Variants in BTD observed in about 807,000 individuals in gnomAD.
BTD encodes the protein biocytinase.
Under a neutral mutation model 17.7 loss-of-function variants are expected in BTD, and 13 were observed. That is an observed-to-expected ratio of 0.74 (90% CI 0.48 to 1.17). The LOEUF (loss-of-function observed/expected upper bound fraction) is 1.17, where lower values mean the gene tolerates loss of function less well. Among genes scored for constraint, BTD ranks in the 50% most tolerant of loss-of-function variants. BTD has a pLI of 0.00. For missense variants in BTD, 674 were observed against 650.4 expected, an observed-to-expected ratio of 1.04 and a Z score of -0.39; for synonymous variants, 240 against 245.2, an observed-to-expected ratio of 0.98 and a Z score of 0.20.
At chr3:15,694,128 A>G (rs2069189662) in intron 3 of BTD, among the ~76,000 whole-genome samples, 1 of 152,152 alleles carries the variant, frequency 6.6e-6, no homozygotes, top group South Asian at 2.1e-4. Context: ...ATTAGGATCT[A>G]CTTGAAATTT....
In BTD at chr3:15,648,323, CAA is replaced by C. The variant is rs571769813; in HGVS notation, c.*2836_*2837del. ...TGTGCACAAAGGCCTAGATTTGAGA[CAA>C]GAGCTGATGTGGCCTGAAGATCTGT... is the stretch of plus-strand genomic sequence containing the variant. On this transcript the variant is annotated 3_prime_UTR_variant, in exon 4 of 4. Transcript: ENST00000643237. Among the ~76,000 whole-genome samples, 33 of 152,196 alleles carry C rather than the reference CAA, an allele frequency of 2.2e-4. No homozygotes were observed. Among genetic ancestry groups the C allele is most frequent in the Non-Finnish European group, 3.4e-4 (23 of 68,032 alleles).
At chr3:15,697,550 C>T (rs1017558853) in intron 3 of BTD, among the ~76,000 whole-genome samples, 8 of 151,516 alleles carry the variant, frequency 5.3e-5, no homozygotes, top group African/African-American at 1.5e-4. Flanking sequence ...TGATGGATTA[C>T]GTGTATTGAT....
At chr3:15,616,440 AC>A (rs766720598) in intron 1 of BTD, among the ~76,000 whole-genome samples, 53 of 151,960 alleles carry the variant, frequency 3.5e-4, no homozygotes, top group Non-Finnish European at 6.9e-4. Context: ...AAATAGAGAA[AC>A]CCTGTCTCTA....
At chr3:15,695,137 G>A (rs1332713261) in intron 3 of BTD, 5 of 1,413,866 alleles carry the variant, frequency 3.5e-6, no homozygotes, top group Non-Finnish European at 5.0e-6. Flanking sequence ...ATAACTGGTA[G>A]GAGGGAACTG....
At chr3:15,713,655 C>A, downstream of BTD, 1 of 1,555,950 alleles carries the variant, frequency 6.4e-7, no homozygotes. Context: ...CAATATAGGA[C>A]TTACTGTCAG....
chr3:15,658,395 C>G (rs75341027), downstream of BTD, among the ~76,000 whole-genome samples: 43 of 152,314 alleles, frequency 2.8e-4, no homozygotes, highest in Admixed American at 7.2e-4. Context: ...AATTGAGTGA[C>G]GCCATGCTGC....
At chr3:15,631,277 A>C in intron 1 of BTD, 1 of 634,296 alleles carries the variant, frequency 1.6e-6, no homozygotes, top group Admixed American at 3.1e-5. Context: ...TCCTAATCAT[A>C]GGATTGCTAT....
intron 4 of BTD, among the ~76,000 whole-genome samples, chr3:15,720,439 A>G (rs757007392): frequency 6.6e-6 from 1 of 152,220 alleles, no homozygotes; most frequent in Middle Eastern, 3.2e-3. Context: ...CAGACATCAT[A>G]CATGTCACCT....
intron 1 of BTD, among the ~76,000 whole-genome samples, chr3:15,613,763 A>G (rs1370521848): frequency 2.0e-5 from 3 of 152,020 alleles, no homozygotes; most frequent in African/African-American, 7.2e-5. Context: ...TTTTTGAGTG[A>G]GTTTTTCCTC....
rs1364790667 is a variant in BTD, at chr3:15,647,408, A to T, written c.*1920A>T. ...GGCAGAACTACTTCACCCAGTAAAC[A>T]TCTAATCAGCACCTGCAGGATCCTC... On this transcript the variant is annotated 3_prime_UTR_variant, in exon 4 of 4. Transcript: ENST00000643237. 6.6e-6 allele frequency: 1 copy of T among 152,246 alleles called. No individual in the cohort carries two copies. Among genetic ancestry groups the T allele is most frequent in the Admixed American group, 6.5e-5 (1 of 15,290 alleles). 9.4% of individuals were successfully genotyped at this position (152,246 alleles called of 1,614,324 possible). A position where few individuals can be genotyped will look rare whatever the true frequency, so the allele number is the denominator to read the frequency against.
At chr3:15,644,232 C>T in intron 3 of BTD, 84 bp from the exon 4 acceptor site, 1 of 1,402,940 alleles carries the variant, frequency 7.1e-7, no homozygotes, top group Non-Finnish European at 9.9e-7. Flanking sequence ...AATCTCCTGA[C>T]CTCATGATCC....
intron 3 of BTD, among the ~76,000 whole-genome samples, chr3:15,701,171 A>G (rs1399145179): frequency 2.6e-5 from 4 of 152,248 alleles, no homozygotes; most frequent in Admixed American, 1.3e-4. Flanking sequence ...GAGAGCCATT[A>G]TTTCAATGCT....
intron 2 of BTD, among the ~76,000 whole-genome samples, chr3:15,640,407 T>C (rs559181874): frequency 2.0e-5 from 3 of 152,232 alleles, no homozygotes; most frequent in African/African-American, 7.2e-5. Context: ...CCTTTTTTTT[T>C]TGTGGTGGAG....
Position 15,625,962 on chromosome 3 carries a change from G to A in BTD, c.-16-9462G>A, listed in dbSNP as rs185205729. ...TCTTGTTCATTGCCTGTTTATAAGT[G>A]TTGTCTTGATGTTTATTTTTTGCAT... On this transcript the variant is annotated intron_variant, in intron 1 of 3. Coordinates refer to ENST00000643237, the MANE Select transcript of BTD (RefSeq NM_001370658.1). 3.7e-4 allele frequency among the ~76,000 whole-genome samples: 56 copies of A among 152,322 alleles called. 1 individual carries two copies. In the East Asian group the frequency reaches 4.6e-3, roughly 13 times the overall value.
chr3:15,706,505 G>T (rs549378064), intron 3 of BTD, among the ~76,000 whole-genome samples: 23 of 152,208 alleles, frequency 1.5e-4, no homozygotes, highest in South Asian at 1.0e-3. Flanking sequence ...GACATTTGGG[G>T]TGGTTCCAAG....
At chr3:15,715,337 T>C (rs1433821108), downstream of BTD, among the ~76,000 whole-genome samples, 1 of 152,186 alleles carries the variant, frequency 6.6e-6, no homozygotes, top group East Asian at 1.9e-4. Context: ...CACAGCAACA[T>C]TCAGCATGCC....
chr3:15,710,384 T>C (rs545466736), exon 4 of BTD, among the ~76,000 whole-genome samples: 2 of 152,284 alleles, frequency 1.3e-5, no homozygotes, highest in East Asian at 3.9e-4. Context: ...AAGTCTGTTG[T>C]CCCTCTCTCT....
At chr3:15,714,255 T>C (rs972515419), downstream of BTD, among the ~76,000 whole-genome samples, 6 of 152,124 alleles carry the variant, frequency 3.9e-5, no homozygotes, top group African/African-American at 1.4e-4. Context: ...ATAATGTATA[T>C]ACAGAGTACA....
At chr3:15,661,497 T>C (rs2065924243) in intron 3 of BTD, among the ~76,000 whole-genome samples, 1 of 152,178 alleles carries the variant, frequency 6.6e-6, no homozygotes, top group African/African-American at 2.4e-5. Context: ...ATTTTAAAAG[T>C]TGCTTGTGTT....
Sources: gnomAD v4.1 joint callset for allele counts (sites outside exome capture counted in the v4.1 genomes callset) on GRCh38, gnomAD v4.1.1 for gene constraint, MANE v1.5 for transcripts, NCBI Gene and HGNC (gene_info 2026-07-23, HGNC 2026-07-21) for gene names.